ERCC6: variants seen among roughly 807,000 people sequenced by gnomAD.
The protein encoded by ERCC6 is ERCC excision repair 6, chromatin remodeling factor, also known as DNA excision repair protein ERCC-6.
ERCC6 carries 116 observed loss-of-function variants against 158.7 expected under a neutral mutation model. That is an observed-to-expected ratio of 0.73 (90% CI 0.63 to 0.85). ERCC6 has a LOEUF of 0.85. Ranked by LOEUF, ERCC6 falls within the 40% of genes least tolerant of loss-of-function variation. ERCC6 has a pLI of 0.00. For missense variants in ERCC6, 1,698 were observed against 1,799.4 expected (o/e 0.94, Z 1.02); for synonymous variants, 678 against 659.3 (o/e 1.03, Z -0.43).
chr10:49,459,193 C>G lies in ERCC6; in HGVS notation c.4104G>C (p.Glu1368Asp), dbSNP rs568838614. 1.2e-6 allele frequency: 2 copies of G among 1,614,196 alleles called. No individual in the cohort carries two copies. Among genetic ancestry groups the G allele is most frequent in the East Asian group, 4.5e-5 (2 of 44,884 alleles). Reference sequence around the variant, plus strand: ...CATCTTCTGCTCTTCCACTAAAATGCTCAGGGACATTATCTTTTCCCTCCT... The same window carrying G: ...CATCTTCTGCTCTTCCACTAAAATGGTCAGGGACATTATCTTTTCCCTCCT... The part of the protein sequence containing the change: ...MKKEGKDNVP[E>D]HFSGRAEDAD... The change falls in exon 21 of 21, where the codon GAG becomes GAC. Residue 1368 changes from glutamate (E) to aspartate (D), a missense_variant. Glu to Asp is a conservative substitution (Grantham distance 45, BLOSUM62 2). Transcript: ENST00000355832.
At chr10:49,516,710 G>A in intron 5 of ERCC6, 2 of 1,614,138 alleles carry the variant, frequency 1.2e-6, no homozygotes, top group Non-Finnish European at 1.7e-6. Context: ...TTACGGTGAA[G>A]AAATCGTTTG....
Position 49,530,856 on chromosome 10 carries a change from A to C in ERCC6, c.423-16T>G. On this transcript the variant is annotated splice_polypyrimidine_tract_variant and intron_variant, in intron 2 of 20. Coordinates refer to ENST00000355832, the MANE Select transcript of ERCC6 (RefSeq NM_000124.4). Reference sequence around the variant, plus strand: ...CGTACATGACCTGAAAAATAAGATAAATTGTCTATTTTGCACTCTGATAAC... The same window carrying C: ...CGTACATGACCTGAAAAATAAGATACATTGTCTATTTTGCACTCTGATAAC... The C allele has an allele frequency of 6.2e-7, 1 of 1,612,130 alleles. No homozygotes were observed. The highest frequency in any genetic ancestry group is 8.5e-7 in the Non-Finnish European group (1 of 1,179,236).
At chr10:49,527,949 A>G (rs1837379916) in intron 4 of ERCC6, among the ~76,000 whole-genome samples, 1 of 152,228 alleles carries the variant, frequency 6.6e-6, no homozygotes, top group Admixed American at 6.5e-5. Context: ...ACCATCCAAG[A>G]CAGTAATGTA....
At position 49,473,867 on chromosome 10, in the gene ERCC6, T is replaced by C. The variant is rs4253195; in HGVS notation, c.2598+160A>G. 5.2e-3 allele frequency among the ~76,000 whole-genome samples: 798 copies of C among 152,316 alleles called. 6 individuals are homozygous for C. The highest frequency in any genetic ancestry group is 9.1e-3 in the Non-Finnish European group (616 of 68,020). On this transcript the variant is annotated intron_variant, in intron 13 of 20. Transcript: ENST00000355832. Reference sequence around the variant, plus strand: ...AAAGTCAACTTTTAGACACCAACTCTAGAGAAAGATCTAAACTCCCAAAGA... The same window carrying C: ...AAAGTCAACTTTTAGACACCAACTCCAGAGAAAGATCTAAACTCCCAAAGA...
At chr10:49,472,809 A>G (rs564875772) in intron 15 of ERCC6, 100 bp downstream of exon 15, 5 of 1,435,254 alleles carry the variant, frequency 3.5e-6, no homozygotes, top group Non-Finnish European at 4.8e-6. Context: ...TGTGAAACGT[A>G]TGCTGAAGCC....
chr10:49,534,475 A>T (rs931492709), intron 1 of ERCC6, among the ~76,000 whole-genome samples: 2 of 152,226 alleles, frequency 1.3e-5, no homozygotes, highest in African/African-American at 4.8e-5. Flanking sequence ...ACTGATATAA[A>T]AGCCATGTTA....
chr10:49,438,450 T>A, the ERCC6 span, among the ~76,000 whole-genome samples: 9 of 152,056 alleles, frequency 5.9e-5, no homozygotes, highest in African/African-American at 2.2e-4. Flanking sequence ...ATCACAAGAA[T>A]AGCATGGGAA....
intron 13 of ERCC6, 97 bp downstream of exon 13, chr10:49,473,930 T>C (rs1850828699): frequency 8.9e-7 from 1 of 1,119,386 alleles, no homozygotes; most frequent in African/African-American, 1.5e-5. Context: ...GTGGTAGACT[T>C]GCTTCAGAAT....
At chr10:49,493,879 A>C (rs1851218844) in intron 7 of ERCC6, among the ~76,000 whole-genome samples, 1 of 152,218 alleles carries the variant, frequency 6.6e-6, no homozygotes, top group African/African-American at 2.4e-5. Context: ...ATGGAGGAGC[A>C]TCCGAGCGAG....
downstream of ERCC6, among the ~76,000 whole-genome samples, chr10:49,452,749 T>A (rs1373593666): frequency 6.6e-6 from 1 of 152,032 alleles, no homozygotes; most frequent in East Asian, 1.9e-4. Context: ...GTTTTGATAC[T>A]GTTAAGTTCA....
intron 6 of ERCC6, chr10:49,505,579 A>T: frequency 3.9e-6 from 1 of 256,540 alleles, no homozygotes; most frequent in Non-Finnish European, 7.4e-6. Flanking sequence ...CCTTAAAATT[A>T]CTAAGAACAA....
At chr10:49,479,217 A>G (rs112294552) in intron 10 of ERCC6, among the ~76,000 whole-genome samples, 1 of 152,208 alleles carries the variant, frequency 6.6e-6, no homozygotes, top group Non-Finnish European at 1.5e-5. Flanking sequence ...AATAGGCTTA[A>G]CAACTTAGTA....
At chr10:49,448,423 G>A in the ERCC6 span, among the ~76,000 whole-genome samples, 1 of 152,056 alleles carries the variant, frequency 6.6e-6, no homozygotes, top group Non-Finnish European at 1.5e-5. Context: ...TGCACCTTAT[G>A]TTAATTATTT....
At chr10:49,509,031 G>T (rs1224844572) in intron 5 of ERCC6, among the ~76,000 whole-genome samples, 1 of 152,128 alleles carries the variant, frequency 6.6e-6, no homozygotes, top group South Asian at 2.1e-4. Flanking sequence ...ATGCAGAAGT[G>T]CAGGCCCAGG....
chr10:49,524,812 A>G, intron 4 of ERCC6, 35 bp from the exon 5 acceptor site: 2 of 1,598,598 alleles, frequency 1.3e-6, no homozygotes, highest in Non-Finnish European at 1.7e-6. Context: ...TCGCACTAGC[A>G]TGAAACTTTC....
intron 5 of ERCC6, among the ~76,000 whole-genome samples, chr10:49,512,868 C>T (rs142120142): frequency 4.0e-4 from 61 of 152,312 alleles, no homozygotes; most frequent in Admixed American, 2.7e-3. Flanking sequence ...TGTGGCATCA[C>T]GTTGCTAAAA....
chr10:49,531,235 C>T (rs1422517172), intron 2 of ERCC6, among the ~76,000 whole-genome samples: 1 of 152,150 alleles, frequency 6.6e-6, no homozygotes, highest in Non-Finnish European at 1.5e-5. Flanking sequence ...AGTCTGGAAG[C>T]ATCCTAAATA....
rs1041786288 is a variant in ERCC6 at position 49,523,723 on chromosome 10, G to A, written c.1397+310C>T. 7.2e-5 allele frequency among the ~76,000 whole-genome samples: 11 copies of A among 151,868 alleles called. No individual in the cohort carries two copies. In the East Asian group the frequency reaches 7.7e-4, roughly 11 times the overall value. ...TGATACTCATTCTAGGGTGACTGTC[G>A]GTATAAAGGCGACACAGCTCACACT... On this transcript the variant is annotated intron_variant, in intron 5 of 20. Coordinates refer to ENST00000355832, the MANE Select transcript of ERCC6 (RefSeq NM_000124.4).
At position 49,455,921 on chromosome 10, in the gene ERCC6, T is replaced by C. The variant is rs1347582449; in HGVS notation, c.*2894A>G. ...GGGTTTGGAGAAATGGGTCCTTTTA[T>C]GGAGGGTGAATTGATGCAAGCAATT... On this transcript the variant is annotated 3_prime_UTR_variant, in exon 21 of 21. Coordinates refer to ENST00000355832, the MANE Select transcript of ERCC6 (RefSeq NM_000124.4). 1 of 152,212 alleles carries C rather than the reference T, an allele frequency of 6.6e-6. No individual in the cohort carries two copies. The highest frequency in any genetic ancestry group is 1.5e-5 in the Non-Finnish European group (1 of 68,036). The allele number at this position is 152,212 out of a possible 1,614,324, so 9.4% of individuals were successfully genotyped here.
Sources: allele counts gnomAD v4.1 joint callset (sites outside exome capture counted in the v4.1 genomes callset), GRCh38; gene constraint gnomAD v4.1.1; transcripts MANE v1.5; gene names NCBI Gene and HGNC (gene_info 2026-07-23, HGNC 2026-07-21).